GLMP: variants seen among roughly 807,000 people sequenced by gnomAD.
The protein encoded by GLMP is kidney lysosomal membrane protein.
In GLMP, 36 loss-of-function variants were observed where a neutral mutation model predicts 39.2. The ratio of observed to expected loss-of-function variants is 0.92; its 90% confidence interval spans 0.70 to 1.21. The LOEUF (loss-of-function observed/expected upper bound fraction) is 1.21, where lower values mean the gene tolerates loss of function less well. Ranked by LOEUF, GLMP falls within the 50% of genes most tolerant of loss-of-function variation. GLMP has a pLI of 0.00. For synonymous variants in GLMP, 220 were observed against 218.9 expected (o/e 1.01, Z -0.04); for missense variants, 454 against 505.6 (o/e 0.90, Z 0.98).
At chr1:156,295,097 G>C (rs1450645169) in intron 1 of GLMP, 81 bp from the exon 2 acceptor site, 13 of 1,196,216 alleles carry the variant, frequency 1.1e-5, no homozygotes, top group East Asian at 4.9e-5. Flanking sequence ...GGGGAGGGGG[G>C]CTTGGAAAGT....
At chr1:156,293,295 C>T (rs376130420) in intron 5 of GLMP, 25 bp downstream of exon 5, 80 of 1,613,646 alleles carry the variant, frequency 5.0e-5, no homozygotes, top group Admixed American at 3.5e-4. Flanking sequence ...CTCCCCAAGT[C>T]CCCGGCCCAA....
In GLMP at chr1:156,293,566, A is replaced by G; in HGVS notation, c.809T>C (p.Leu270Pro). ...YAPAVFQLDQ[L>P]LWGSLPSGFA... ...GCCTGATGGGAGGGAGCCCCACAGT[A>G]GCTGGTCCAACTGGGAAGAAAGGCA... Residue 270 changes from leucine to proline, a missense_variant, in exon 5 of 6, where the codon CTA becomes CCA. Coordinates refer to ENST00000362007, the MANE Select transcript of GLMP (RefSeq NM_144580.3). The G allele has an allele frequency of 1.9e-6, 3 of 1,614,146 alleles. No individual in the cohort carries two copies. The highest frequency in any genetic ancestry group is 2.5e-6 in the Non-Finnish European group (3 of 1,180,004).
Position 156,292,752 on chromosome 1 carries a change from T to C in GLMP, c.*292A>G. 1 of 397,050 alleles carries C rather than the reference T, an allele frequency of 2.5e-6. No individual in the cohort carries two copies. Among genetic ancestry groups the C allele is most frequent in the Non-Finnish European group, 4.5e-6 (1 of 223,730 alleles). 24.6% of individuals were successfully genotyped at this position (397,050 alleles called of 1,614,324 possible). A position where few individuals can be genotyped will look rare whatever the true frequency, so the allele number is the denominator to read the frequency against. On this transcript the variant is annotated 3_prime_UTR_variant, in exon 6 of 6. Transcript: ENST00000362007. ...GGCAGCCAACCAGTCAGAATGCCTC[T>C]CATTTAGGCCTGCAAGTCCCATCCA...
In GLMP at chr1:156,294,877, G is replaced by C; in HGVS notation, c.260C>G (p.Thr87Ser). 6.2e-7 allele frequency: 1 copy of C among 1,612,772 alleles called. No individual in the cohort carries two copies. The highest frequency in any genetic ancestry group is 8.5e-7 in the Non-Finnish European group (1 of 1,179,412). Residue 87 changes from threonine to serine, a missense_variant, in exon 2 of 6, where the codon ACC (threonine) becomes AGC (serine). Coordinates refer to ENST00000362007, the MANE Select transcript of GLMP (RefSeq NM_144580.3). ...PLAVVMVATN[T>S]PHSTLSVNWS... ...GTTGACGCTCAGGGTGCTGTGGGGG[G>C]TGTTGGTGGCCACCATTACCACTGC...
In GLMP at chr1:156,294,006, A is replaced by AG. The variant is rs1250004521; in HGVS notation, c.798+11dup. The AG allele has an allele frequency of 2.5e-6, 4 of 1,612,380 alleles. No individual in the cohort carries two copies. The highest frequency in any genetic ancestry group is 3.4e-6 in the Non-Finnish European group (4 of 1,179,586). On this transcript the variant is annotated intron_variant, in intron 4 of 5. Coordinates refer to ENST00000362007, the MANE Select transcript of GLMP (RefSeq NM_144580.3). ...ATTCCTCACCCATCTGCCTCTCTCC[A>AG]GGAAGCCTGACCTGGAAGACGGCCG...
intron 2 of GLMP, 82 bp downstream of exon 2, chr1:156,294,677 C>A (rs1663529190): frequency 1.3e-6 from 2 of 1,571,300 alleles, no homozygotes; most frequent in South Asian, 1.2e-5. Context: ...TTCACCCACC[C>A]CCAGTCTTTA....
Position 156,294,926 on chromosome 1 carries a change from C to T in GLMP, c.211G>A (p.Val71Met). ...AVGTNSTLHY[V>M]WSSLGPLAVV... The stretch of plus-strand genomic sequence containing the variant: ...GCCAGAGGCCCCAGGCTGCTCCACA[C>T]ATAGTGCAGTGTGGAATTGGTGCCC... Residue 71 changes from valine to methionine, a missense_variant, in exon 2 of 6, where the codon GTG becomes ATG. Coordinates refer to ENST00000362007, the MANE Select transcript of GLMP (RefSeq NM_144580.3). 4 of 1,612,228 alleles carry T rather than the reference C, an allele frequency of 2.5e-6. No homozygotes were observed. Among genetic ancestry groups the T allele is most frequent in the Non-Finnish European group, 3.4e-6 (4 of 1,179,028 alleles).
Position 156,293,101 on chromosome 1 carries a change from G to T in GLMP, c.1164C>A (p.Gly388=), listed in dbSNP as rs760901692. The change falls in exon 6 of 6, where the codon GGC becomes GGA. Residue 388 remains glycine (G), a synonymous_variant. Coordinates refer to ENST00000362007, the MANE Select transcript of GLMP (RefSeq NM_144580.3). ...TGTGGTGCAGCAGCAGAACCAAGCC[G>T]CCCCCTAGCAGCATGAGCCCTGGGG... ...LGAPGLMLLG[G]GLVLLLHHKK... 59 of 1,614,056 alleles carry T rather than the reference G, an allele frequency of 3.7e-5. No individual in the cohort carries two copies. The highest frequency in any genetic ancestry group is 4.8e-5 in the Non-Finnish European group (57 of 1,180,018).
rs1663544803 is a variant in GLMP, at chr1:156,294,894, T to C, written c.243A>G (p.Val81=). 1.2e-6 allele frequency: 2 copies of C among 1,612,598 alleles called. No homozygotes were observed. The highest frequency in any genetic ancestry group is 1.3e-5 in the African/African-American group (1 of 74,608). Residue 81 remains valine (V), a synonymous_variant, in exon 2 of 6, where the codon GTA becomes GTG. Transcript: ENST00000362007. ...TGTGGGGGGTGTTGGTGGCCACCAT[T>C]ACCACTGCCAGAGGCCCCAGGCTGC... The part of the protein sequence containing the change: ...VWSSLGPLAV[V]MVATNTPHST...
Position 156,293,484 on chromosome 1 carries a change from G to C in GLMP, c.891C>G (p.Ala297=). 6.2e-7 allele frequency: 1 copy of C among 1,614,194 alleles called. No individual in the cohort carries two copies. Among genetic ancestry groups the C allele is most frequent in the Non-Finnish European group, 8.5e-7 (1 of 1,180,030 alleles). The change falls in exon 5 of 6, where the codon GCC becomes GCG. Residue 297 remains alanine, a synonymous_variant. Transcript: ENST00000362007. ...GAAGAGGGGAAGCTTGGCAGGGCAG[G>C]GCTGATTCTCGGCCCCCCGGCTTCT... is the stretch of plus-strand genomic sequence containing the variant. ...YSQKPGGRES[A]LPCQASPLHP... is the part of the protein sequence containing the mutation.
Position 156,292,853 on chromosome 1 carries a change from A to T in GLMP, c.*191T>A. ...TAGCCCTGTCCCCTGCCCGCCTCCA[A>T]AGTCCCCCAACAAAGTATGAAGGAA... is the stretch of plus-strand genomic sequence containing the variant. On this transcript the variant is annotated 3_prime_UTR_variant, in exon 6 of 6. Coordinates refer to ENST00000362007, the MANE Select transcript of GLMP (RefSeq NM_144580.3). The T allele has an allele frequency of 1.5e-6, 1 of 676,050 alleles. No homozygotes were observed. The allele number at this position is 676,050 out of a possible 1,614,324, so 41.9% of individuals were successfully genotyped here. A position where few individuals can be genotyped will look rare whatever the true frequency, so the allele number is the denominator to read the frequency against.
chr1:156,294,582 G>A lies in GLMP; in HGVS notation c.379-17C>T, dbSNP rs751457868. On this transcript the variant is annotated splice_polypyrimidine_tract_variant and intron_variant, in intron 2 of 5. Coordinates refer to ENST00000362007, the MANE Select transcript of GLMP (RefSeq NM_144580.3). ...CTCAAGCAGCTGGAGGGTGGGGGTA[G>A]GGTGGAACTGGGCTTGCCTCAGTTT... 1 of 1,613,492 alleles carries A rather than the reference G, an allele frequency of 6.2e-7. No individual in the cohort carries two copies. The highest frequency in any genetic ancestry group is 1.7e-5 in the Admixed American group (1 of 59,982).
chr1:156,294,131 C>G lies in GLMP; in HGVS notation c.685G>C (p.Gly229Arg). 1.2e-6 allele frequency: 2 copies of G among 1,614,188 alleles called. No individual in the cohort carries two copies. The highest frequency in any genetic ancestry group is 1.7e-5 in the Admixed American group (1 of 60,030). Residue 229 changes from glycine to arginine, a missense_variant, in exon 4 of 6, where the codon GGA becomes CGA. Coordinates refer to ENST00000362007, the MANE Select transcript of GLMP (RefSeq NM_144580.3). ...TCCAGCCCAAACAGGGAACGGTTTCCCCGGGGAGAGGCTCCAATCAGGGCC... is the reference window on the plus strand; with the variant it reads ...TCCAGCCCAAACAGGGAACGGTTTCGCCGGGGAGAGGCTCCAATCAGGGCC... ...EVALIGASPR[G>R]NRSLFGLEVA... is the part of the protein sequence containing the mutation.
chr1:156,294,399 G>T lies in GLMP; in HGVS notation c.545C>A (p.Thr182Asn). The change falls in exon 3 of 6, where the codon ACC becomes AAC. Residue 182 changes from threonine (T) to asparagine (N), a missense_variant. Thr to Asn is a moderately conservative substitution (Grantham distance 65). Coordinates refer to ENST00000362007, the MANE Select transcript of GLMP (RefSeq NM_144580.3). Reference protein sequence around the residue: ...TFQGHPMNDPTRTFANGSLAF... With the variant: ...TFQGHPMNDPNRTFANGSLAF... ...CAGGCTGCCATTGGCAAAAGTCCTG[G>T]TAGGGTCGTTCATGGGGTGGCCTTG... is the stretch of plus-strand genomic sequence containing the variant. The T allele has an allele frequency of 1.2e-6, 2 of 1,614,202 alleles. No individual in the cohort carries two copies. The highest frequency in any genetic ancestry group is 1.7e-6 in the Non-Finnish European group (2 of 1,180,030).
chr1:156,293,038 C>T lies in GLMP; in HGVS notation c.*6G>A, dbSNP rs760313889. The T allele has an allele frequency of 1.1e-5, 18 of 1,613,714 alleles. No homozygotes were observed. The African/African-American group carries it at 1.2e-4, about 11-fold the overall frequency. On this transcript the variant is annotated 3_prime_UTR_variant, in exon 6 of 6. Transcript: ENST00000362007. ...CAGTAATGTCCTTCCCTCCAGAGAG[C>T]GGGCCTTAATTTATGGACTGGTACT...
At chr1:156,293,876 G>A in intron 4 of GLMP, 142 bp downstream of exon 4, 1 of 1,218,026 alleles carries the variant, frequency 8.2e-7, no homozygotes, top group Non-Finnish European at 1.2e-6. Context: ...CAGAGACTGG[G>A]TCAGATTCAT....
chr1:156,294,110 G>A lies in GLMP; in HGVS notation c.706C>T (p.Leu236=). Residue 236 remains leucine (L), a synonymous_variant, in exon 4 of 6, where the codon CTG becomes TTG. Transcript: ENST00000362007. The part of the protein sequence containing the change: ...SPRGNRSLFG[L]EVATLGQGPD... ...CCCTGGCCCAATGTGGCTACCTCCA[G>A]CCCAAACAGGGAACGGTTTCCCCGG... 1 of 1,614,184 alleles carries A rather than the reference G, an allele frequency of 6.2e-7. No individual in the cohort carries two copies. Among genetic ancestry groups the A allele is most frequent in the East Asian group, 2.2e-5 (1 of 44,882 alleles).
At chr1:156,294,645 A>G in intron 2 of GLMP, 80 bp from the exon 3 acceptor site, 1 of 1,594,932 alleles carries the variant, frequency 6.3e-7, no homozygotes, top group Non-Finnish European at 8.6e-7. Flanking sequence ...CCCCCTACCA[A>G]GGCTTTCATA....
Position 156,295,017 on chromosome 1 carries a change from C to G in GLMP, c.121-1G>C, listed in dbSNP as rs934280852. On this transcript the variant is annotated splice_acceptor_variant, in intron 1 of 5. Coordinates refer to ENST00000362007, the MANE Select transcript of GLMP (RefSeq NM_144580.3). LOFTEE classifies it high-confidence loss of function. The stretch of plus-strand genomic sequence containing the variant: ...AGTTAGGGATGACCTCCAGAGACAC[C>G]TGGAACATGGAGTAGTGGAGGGTTG... 6.5e-6 allele frequency: 10 copies of G among 1,549,176 alleles called. No homozygotes were observed. Among genetic ancestry groups the G allele is most frequent in the Admixed American group, 5.6e-5 (3 of 53,722 alleles).
Sources: allele counts gnomAD v4.1 joint callset, GRCh38; gene constraint gnomAD v4.1.1; transcripts MANE v1.5; gene names NCBI Gene and HGNC (gene_info 2026-07-23, HGNC 2026-07-21).